Variants in LRRC9 observed in about 807,000 individuals in gnomAD.
The protein encoded by LRRC9 is leucine rich repeat containing 9.
LRRC9 carries 122 observed loss-of-function variants against 63.2 expected under a neutral mutation model. That is an observed-to-expected ratio of 1.93 (90% confidence interval 1.67 to 2.24). LRRC9 has a LOEUF of 2.24. Among genes scored for constraint, LRRC9 ranks in the 30% most tolerant of loss-of-function variants. LRRC9 has a pLI of 0.00. For synonymous variants in LRRC9, 366 were observed against 213.1 expected (o/e 1.72, Z -6.25); for missense variants, 1,071 against 627.7 (o/e 1.71, Z -7.55).
chr14:60,021,623 T>C (rs957780237), intron 26 of LRRC9, among the ~76,000 whole-genome samples: 1 of 151,928 alleles, frequency 6.6e-6, no homozygotes, highest in African/African-American at 2.4e-5. Flanking sequence ...CACTCTTACA[T>C]CGAGTCCTAT....
chr14:60,041,165 G>A (rs954762835), intron 29 of LRRC9, among the ~76,000 whole-genome samples: 5 of 151,934 alleles, frequency 3.3e-5, no homozygotes, highest in Admixed American at 1.3e-4. Flanking sequence ...TGGGTAACCC[G>A]ACCTTTCTCT....
At chr14:60,002,650 T>A (rs181994455) in intron 20 of LRRC9, among the ~76,000 whole-genome samples, 3 of 152,286 alleles carry the variant, frequency 2.0e-5, no homozygotes, top group Admixed American at 2.0e-4. Context: ...GTAATACATT[T>A]GTCATATTCC....
At chr14:60,024,912 T>C (rs1357230008) in intron 27 of LRRC9, among the ~76,000 whole-genome samples, 1 of 151,834 alleles carries the variant, frequency 6.6e-6, no homozygotes, top group African/African-American at 2.4e-5. Flanking sequence ...GGTAAGAACA[T>C]GCAGTATTTG....
chr14:60,025,455 T>A (rs219399), intron 27 of LRRC9, among the ~76,000 whole-genome samples: 2 of 151,754 alleles, frequency 1.3e-5, no homozygotes, highest in Admixed American at 1.3e-4. Flanking sequence ...CCTAACCCTG[T>A]AAGGTCTATT....
chr14:59,924,013 A>T (rs1888998365), intron 1 of LRRC9, among the ~76,000 whole-genome samples: 1 of 152,210 alleles, frequency 6.6e-6, no homozygotes, highest in Non-Finnish European at 1.5e-5. Flanking sequence ...TGAAAAACAC[A>T]GACTAGAAAG....
downstream of LRRC9, among the ~76,000 whole-genome samples, chr14:60,065,640 TC>T (rs1894866637): frequency 3.9e-5 from 1 of 25,546 alleles, no homozygotes; most frequent in Non-Finnish European, 1.0e-4. Flanking sequence ...AGAGTGAGAC[TC>T]CCTCTCAAAA....
Position 60,060,600 on chromosome 14 carries a change from G to C in LRRC9, c.4276+2578G>C, listed in dbSNP as rs1894593075. ...CTAAAAATACAAAAAAATTAGCTGG[G>C]CATGGTGGCGGGCGCCTGTAGTCCC... On this transcript the variant is annotated intron_variant, in intron 31 of 31. Coordinates refer to ENST00000445360, the Ensembl canonical transcript of LRRC9. The surrounding 1 kb of genome is among the most constrained non-coding windows in gnomAD (Gnocchi z 4.0). Among the ~76,000 whole-genome samples the C allele has an allele frequency of 6.6e-6, 1 of 152,052 alleles. No individual in the cohort carries two copies. Among genetic ancestry groups the C allele is most frequent in the Non-Finnish European group, 1.5e-5 (1 of 68,016 alleles).
chr14:59,952,105 G>A (rs1883203633), intron 8 of LRRC9, among the ~76,000 whole-genome samples: 1 of 152,032 alleles, frequency 6.6e-6, no homozygotes, highest in Admixed American at 6.5e-5. Flanking sequence ...CAGCCTCGCT[G>A]CCGCCTTGCA....
intron 3 of LRRC9, among the ~76,000 whole-genome samples, chr14:59,928,987 AAT>A (rs1225968698): frequency 6.6e-6 from 1 of 152,174 alleles, no homozygotes; most frequent in East Asian, 1.9e-4. Flanking sequence ...CCACCTAGGC[AAT>A]ATCATTCTGG....
At chr14:60,015,092 T>C (rs1468514522) in intron 23 of LRRC9, among the ~76,000 whole-genome samples, 1 of 152,170 alleles carries the variant, frequency 6.6e-6, no homozygotes, top group East Asian at 1.9e-4. Flanking sequence ...TGCATTTATT[T>C]GTTTACAGTA....
At chr14:60,045,258 TA>T (rs200050949) in intron 29 of LRRC9, among the ~76,000 whole-genome samples, 1 of 151,774 alleles carries the variant, frequency 6.6e-6, no homozygotes, top group East Asian at 1.9e-4. Context: ...CTTTCTTTTT[TA>T]AAAAAAAATT....
At chr14:59,944,887 T>C (rs1594838607) in intron 8 of LRRC9, 143 bp downstream of exon 8, 6 of 406,420 alleles carry the variant, frequency 1.5e-5, no homozygotes, top group African/African-American at 4.1e-5. Flanking sequence ...CACACACACA[T>C]ATGTAATTAC....
chr14:59,999,984 C>T (rs901730504), intron 19 of LRRC9, among the ~76,000 whole-genome samples: 2 of 152,198 alleles, frequency 1.3e-5, no homozygotes, highest in African/African-American at 4.8e-5. Flanking sequence ...TAAAAAGACA[C>T]ATGCATTAAT....
At chr14:60,045,091 C>A (rs767074774) in intron 29 of LRRC9, among the ~76,000 whole-genome samples, 9 of 121,186 alleles carry the variant, frequency 7.4e-5, no homozygotes, top group Admixed American at 5.1e-4. Context: ...TTTGTAGACT[C>A]TTTTATCTAA....
intron 15 of LRRC9, among the ~76,000 whole-genome samples, chr14:59,978,754 CTT>C (rs1416975717): frequency 3.9e-5 from 6 of 152,020 alleles, no homozygotes; most frequent in Non-Finnish European, 7.4e-5. Context: ...GTAGATGTAT[CTT>C]TATACAAATA....
intron 31 of LRRC9, among the ~76,000 whole-genome samples, 154 bp from the exon 32 acceptor site, chr14:60,061,856 AT>A (rs1410700132): frequency 2.0e-5 from 3 of 152,206 alleles, no homozygotes; most frequent in African/African-American, 7.2e-5. Context: ...ATAATTCTAT[AT>A]TTTTATTTGA....
intron 6 of LRRC9, among the ~76,000 whole-genome samples, chr14:59,933,034 C>A (rs143376298): frequency 7.0e-4 from 106 of 152,310 alleles, no homozygotes; most frequent in African/African-American, 2.5e-3. Flanking sequence ...TTCAGCCACA[C>A]TGGTCTGAAT....
At chr14:60,024,598 C>A (rs556701835) in intron 27 of LRRC9, among the ~76,000 whole-genome samples, 34 of 152,130 alleles carry the variant, frequency 2.2e-4, no homozygotes, top group African/African-American at 7.2e-4. Flanking sequence ...CTATCAAAAG[C>A]ACTTGTGATT....
intron 31 of LRRC9, chr14:60,059,025 C>T (rs1301213971): frequency 3.3e-5 from 5 of 152,148 alleles, no homozygotes; most frequent in African/African-American, 1.2e-4. Context: ...AAGTCATCTT[C>T]AGGAATATCA....
Sources: allele counts gnomAD v4.1 joint callset (sites outside exome capture counted in the v4.1 genomes callset), GRCh38; gene constraint gnomAD v4.1.1; non-coding constraint Gnocchi (gnomAD v3.1); transcripts MANE v1.5; gene names NCBI Gene and HGNC (gene_info 2026-07-23, HGNC 2026-07-21).